The following NEK11 variants were observed in gnomAD, a reference collection of about 807,000 sequenced individuals.
NEK11 encodes serine/threonine-protein kinase Nek11.
Under a neutral mutation model 80.7 loss-of-function variants are expected in NEK11, and 72 were observed. The ratio of observed to expected loss-of-function variants is 0.89; its 90% CI spans 0.74 to 1.08. NEK11 has a LOEUF of 1.08. NEK11 is among the 50% of genes least tolerant of loss of function. The probability of loss-of-function intolerance (pLI) is 0.00; values close to 1 mark genes in which losing one functional copy is unlikely to be tolerated. For synonymous variants in NEK11, 251 were observed against 260.7 expected, an observed-to-expected ratio of 0.96 and a Z score of 0.36; for missense variants, 764 against 763.6, an observed-to-expected ratio of 1.00 and a Z score of -0.01.
intron 14 of NEK11, among the ~76,000 whole-genome samples, chr3:131,217,260 A>T (rs910002532): frequency 3.3e-5 from 5 of 152,244 alleles, no homozygotes; most frequent in Admixed American, 6.5e-5. Flanking sequence ...TTTCCCAAAC[A>T]GCAAAGTATC....
intron 4 of NEK11, among the ~76,000 whole-genome samples, chr3:131,090,854 T>C (rs776114097): frequency 6.6e-6 from 1 of 152,172 alleles, no homozygotes; most frequent in Non-Finnish European, 1.5e-5. Flanking sequence ...AGCCTCAATC[T>C]CCTGGACTCA....
At chr3:131,112,683 G>A (rs894667246) in intron 5 of NEK11, among the ~76,000 whole-genome samples, 1 of 152,140 alleles carries the variant, frequency 6.6e-6, no homozygotes, top group African/African-American at 2.4e-5. Context: ...GCTTCTTCTT[G>A]GAAGAAGTAG....
intron 3 of NEK11, among the ~76,000 whole-genome samples, chr3:131,053,051 G>C (rs1157355326): frequency 6.6e-6 from 1 of 152,004 alleles, no homozygotes; most frequent in East Asian, 1.9e-4. Flanking sequence ...AATGTACCAA[G>C]GAGCCCTAAT....
intron 4 of NEK11, chr3:131,087,990 C>G (rs932836324): frequency 6.6e-6 from 1 of 152,274 alleles, no homozygotes; most frequent in Admixed American, 6.5e-5. Context: ...GAACTCAAAT[C>G]AGGCATCCAC....
chr3:131,088,136 A>G (rs1169303916), intron 4 of NEK11: 1 of 152,214 alleles, frequency 6.6e-6, no homozygotes, highest in Non-Finnish European at 1.5e-5. Context: ...GGGCAGCTCC[A>G]TCTAGGAGTA....
intron 4 of NEK11, among the ~76,000 whole-genome samples, chr3:131,097,199 G>T (rs530279694): frequency 6.6e-6 from 1 of 151,908 alleles, no homozygotes; most frequent in Non-Finnish European, 1.5e-5. Context: ...AAACATACGT[G>T]TGCATGTGTC....
chr3:131,222,536 A>G (rs1464689698), intron 14 of NEK11, among the ~76,000 whole-genome samples: 1 of 152,254 alleles, frequency 6.6e-6, no homozygotes, highest in Admixed American at 6.5e-5. Context: ...AGTAATTTAG[A>G]CAACTAATAG....
intron 4 of NEK11, among the ~76,000 whole-genome samples, chr3:131,089,557 G>C (rs1206562369): frequency 1.3e-5 from 2 of 152,128 alleles, no homozygotes; most frequent in Non-Finnish European, 2.9e-5. Context: ...TCCTACTTCA[G>C]CCTCCCGAGT....
At chr3:131,319,654 T>C (rs1244376992) in intron 17 of NEK11, among the ~76,000 whole-genome samples, 1 of 152,178 alleles carries the variant, frequency 6.6e-6, no homozygotes, top group Non-Finnish European at 1.5e-5. Context: ...GACAAGGAAG[T>C]AGAAAAGAAA....
At chr3:131,247,839 GT>G (rs34755844) in intron 16 of NEK11, among the ~76,000 whole-genome samples, 65,074 of 143,326 alleles carry the variant, frequency 0.45, 15,305 homozygotes, top group Admixed American at 0.54. Flanking sequence ...TATTCCTAGG[GT>G]TTTTTTTTTT....
At chr3:131,032,895 T>C (rs1219547377) in intron 3 of NEK11, among the ~76,000 whole-genome samples, 1 of 152,240 alleles carries the variant, frequency 6.6e-6, no homozygotes, top group Non-Finnish European at 1.5e-5. Context: ...AAGAAAACTT[T>C]AGCTAATTAC....
rs972564048 is a variant in NEK11, at chr3:131,111,799, G to C, written c.455+1878G>C. Reference sequence around the variant, plus strand: ...AGGACTCTCCTTGCTTACATTAAAGGGTAGAAAATATGCATTCAGATATTA... The same window carrying C: ...AGGACTCTCCTTGCTTACATTAAAGCGTAGAAAATATGCATTCAGATATTA... On this transcript the variant is annotated intron_variant, in intron 5 of 17. Coordinates refer to ENST00000383366, the MANE Select transcript of NEK11 (RefSeq NM_024800.5). Among the ~76,000 whole-genome samples, 3 of 152,080 alleles carry C rather than the reference G, an allele frequency of 2.0e-5. No individual in the cohort carries two copies. The East Asian group carries it at 5.8e-4, about 29-fold the overall frequency.
chr3:131,045,358 T>C (rs1488335701), intron 3 of NEK11, among the ~76,000 whole-genome samples: 17 of 152,212 alleles, frequency 1.1e-4, no homozygotes, highest in Admixed American at 9.2e-4. Context: ...TTTGTCACTA[T>C]TATACTTCAA....
Position 131,128,778 on chromosome 3 carries a change from G to A in NEK11, c.456-3967G>A, listed in dbSNP as rs147243304. ...ACCATTTTGTATTCCCACTAGCAGC[G>A]AATGAGAGTTTCTGTTACTCCACAT... On this transcript the variant is annotated intron_variant, in intron 5 of 17. Transcript: ENST00000383366. Among the ~76,000 whole-genome samples the A allele has an allele frequency of 2.2e-3, 330 of 152,292 alleles. 5 individuals carry two copies. The highest frequency in any genetic ancestry group is 1.9e-3 in the Non-Finnish European group (130 of 68,024).
At chr3:131,265,290 G>C (rs916013077) in intron 16 of NEK11, among the ~76,000 whole-genome samples, 1 of 152,104 alleles carries the variant, frequency 6.6e-6, no homozygotes, top group Non-Finnish European at 1.5e-5. Context: ...CTTGTCTTGT[G>C]CCAGTTTTCA....
intron 7 of NEK11, among the ~76,000 whole-genome samples, chr3:131,134,669 G>T (rs1475611693): frequency 6.6e-6 from 1 of 152,150 alleles, no homozygotes; most frequent in East Asian, 1.9e-4. Flanking sequence ...AAAGTGCTGG[G>T]ATTACAGGTG....
chr3:131,042,226 G>C (rs540780785), intron 3 of NEK11, among the ~76,000 whole-genome samples: 5 of 149,832 alleles, frequency 3.3e-5, no homozygotes, highest in African/African-American at 1.2e-4. Context: ...TTTTTTCCCT[G>C]TATCCCAGTG....
chr3:131,249,183 G>A (rs1329696545), intron 16 of NEK11, among the ~76,000 whole-genome samples: 2 of 152,202 alleles, frequency 1.3e-5, no homozygotes, highest in South Asian at 2.1e-4. Context: ...GTGAACTTGA[G>A]AAAGATATAA....
At chr3:131,335,956 A>G (rs894659831) in intron 17 of NEK11, among the ~76,000 whole-genome samples, 2 of 152,222 alleles carry the variant, frequency 1.3e-5, no homozygotes, top group African/African-American at 4.8e-5. Flanking sequence ...CCACTGCTCA[A>G]TGAAATAAAA....
Sources: allele counts gnomAD v4.1 joint callset (sites outside exome capture counted in the v4.1 genomes callset), GRCh38; gene constraint gnomAD v4.1.1; transcripts MANE v1.5; gene names NCBI Gene and HGNC (gene_info 2026-07-23, HGNC 2026-07-21).